SPAST: variants seen among roughly 807,000 people sequenced by gnomAD.
SPAST encodes the protein spastin.
A neutral mutation model predicts 76.6 loss-of-function variants in SPAST; 30 were observed. The observed-to-expected ratio is 0.39, with a 90% CI of 0.29 to 0.53. The LOEUF (loss-of-function observed/expected upper bound fraction) is 0.53, where lower values mean the gene tolerates loss of function less well. Among genes scored for constraint, SPAST ranks in the 20% least tolerant of loss-of-function variants. SPAST has a pLI of 0.68. For missense variants in SPAST, 717 were observed against 770.5 expected (o/e 0.93, Z 0.82); for synonymous variants, 305 against 281.0 (o/e 1.09, Z -0.86).
chr2:32,091,790 T>C (rs1047947932), intron 3 of SPAST, among the ~76,000 whole-genome samples: 21 of 151,524 alleles, frequency 1.4e-4, no homozygotes, highest in Admixed American at 4.6e-4. Flanking sequence ...GCCGAGATCA[T>C]GCCACTGCAC....
At chr2:32,150,058 G>A (rs1363645599) in intron 16 of SPAST, among the ~76,000 whole-genome samples, 2 of 147,268 alleles carry the variant, frequency 1.4e-5, no homozygotes, top group Admixed American at 1.4e-4. Context: ...AAAGCTTTTA[G>A]TTTTCTTTCT....
At chr2:32,136,322 A>ATG (rs1679535510) in intron 9 of SPAST, among the ~76,000 whole-genome samples, 2 of 152,278 alleles carry the variant, frequency 1.3e-5, no homozygotes, top group South Asian at 4.1e-4. Flanking sequence ...AGTCTTAGGA[A>ATG]TGCAGGGTGA....
intron 13 of SPAST, among the ~76,000 whole-genome samples, chr2:32,143,044 T>C (rs1679772921): frequency 6.6e-6 from 1 of 152,096 alleles, no homozygotes; most frequent in African/African-American, 2.4e-5. Flanking sequence ...GGTGGGAGGA[T>C]CGCTTGAGCC....
chr2:32,063,689 A>C lies in SPAST; in HGVS notation c.-143A>C. ...GGAGAAAGGGGCGGGGCCGGCGGGC[A>C]GCGTGCGGCAGTGCGGAGCTCCTGA... On this transcript the variant is annotated 5_prime_UTR_variant, in exon 1 of 17. Transcript: ENST00000315285. 1 of 1,073,962 alleles carries C rather than the reference A, an allele frequency of 9.3e-7. No homozygotes were observed. The highest frequency in any genetic ancestry group is 2.7e-5 in the East Asian group (1 of 36,544). 66.5% of individuals were successfully genotyped at this position (1,073,962 alleles called of 1,614,324 possible).
rs186567235 is a variant in SPAST at position 32,075,931 on chromosome 2, C to T, written c.416-11561C>T. 8.7e-3 allele frequency among the ~76,000 whole-genome samples: 1,031 copies of T among 118,810 alleles called. 18 individuals carry two copies. Among genetic ancestry groups the T allele is most frequent in the South Asian group, 0.051 (166 of 3,260 alleles). 77.9% of individuals were successfully genotyped at this position (118,810 alleles called of 152,430 possible). ...TTTTTTTTTTTTTGAGACAGAGTCT[C>T]GCTCTGTCGCCCAGGCTGAAGTGCA... On this transcript the variant is annotated intron_variant, in intron 1 of 16. Transcript: ENST00000315285.
chr2:32,107,192 A>C (rs1254468066), intron 4 of SPAST, among the ~76,000 whole-genome samples: 1 of 152,074 alleles, frequency 6.6e-6, no homozygotes, highest in Admixed American at 6.6e-5. Context: ...TACAAGTTGA[A>C]TATCCCTAAT....
rs560263969 is a variant in SPAST, at chr2:32,064,603, G to A, written c.415+357G>A. ...CTGTGAAGAGTGTGCAGCTTCCTCT[G>A]AACCAAGGTTTCCAAAAGGTTTTGA... On this transcript the variant is annotated intron_variant, in intron 1 of 16. Coordinates refer to ENST00000315285, the MANE Select transcript of SPAST (RefSeq NM_014946.4). Among the ~76,000 whole-genome samples the A allele has an allele frequency of 3.9e-5, 6 of 152,186 alleles. No individual in the cohort carries two copies. The South Asian group carries it at 1.0e-3, about 26-fold the overall frequency.
At chr2:32,085,590 A>G (rs1174103832) in intron 1 of SPAST, among the ~76,000 whole-genome samples, 1 of 152,172 alleles carries the variant, frequency 6.6e-6, no homozygotes, top group Non-Finnish European at 1.5e-5. Context: ...CGTAGTATAT[A>G]ATACTGATAA....
At chr2:32,142,085 T>C in intron 13 of SPAST, 139 bp downstream of exon 13, 1 of 703,970 alleles carries the variant, frequency 1.4e-6, no homozygotes, top group Non-Finnish European at 2.4e-6. Context: ...GTACATAAGC[T>C]TACTGTCAGA....
intron 1 of SPAST, among the ~76,000 whole-genome samples, chr2:32,070,352 C>A (rs577321247): frequency 6.6e-6 from 1 of 151,932 alleles, no homozygotes; most frequent in Non-Finnish European, 1.5e-5. Context: ...ACAGGTATGA[C>A]CCACTGCACC....
At chr2:32,064,275 C>A (rs1676419542) in intron 1 of SPAST, 29 bp downstream of exon 1, 1 of 596,276 alleles carries the variant, frequency 1.7e-6, no homozygotes, top group Non-Finnish European at 2.4e-6. Flanking sequence ...GAGGGGGCGG[C>A]GGCGCCGGGA....
intron 4 of SPAST, among the ~76,000 whole-genome samples, chr2:32,109,715 AAAT>A (rs1470917433): frequency 6.7e-6 from 1 of 149,222 alleles, no homozygotes; most frequent in Admixed American, 6.7e-5. Flanking sequence ...ATATAACTAA[AAAT>A]AACTATATGT....
chr2:32,106,500 G>A (rs1173512115), intron 4 of SPAST, among the ~76,000 whole-genome samples: 3 of 152,236 alleles, frequency 2.0e-5, no homozygotes, highest in Non-Finnish European at 4.4e-5. Context: ...CAGTTCCTCA[G>A]TTGGAAATGC....
intron 1 of SPAST, among the ~76,000 whole-genome samples, chr2:32,081,085 A>G (rs1558618178): frequency 6.6e-6 from 1 of 151,916 alleles, no homozygotes; most frequent in East Asian, 1.9e-4. Flanking sequence ...CAGCCTCCCA[A>G]ATAGCTGAGG....
Position 32,063,801 on chromosome 2 carries a change from G to C in SPAST, c.-31G>C. 6.4e-7 allele frequency: 1 copy of C among 1,551,722 alleles called. No individual in the cohort carries two copies. Among genetic ancestry groups the C allele is most frequent in the South Asian group, 1.2e-5 (1 of 85,848 alleles). Reference sequence around the variant, plus strand: ...GTTCCCGTCGGTCTGCGGGAGGCGGGTTATGGCGGCGGCGGCAGTGAGAGC... The same window carrying C: ...GTTCCCGTCGGTCTGCGGGAGGCGGCTTATGGCGGCGGCGGCAGTGAGAGC... On this transcript the variant is annotated 5_prime_UTR_variant, in exon 1 of 17. Transcript: ENST00000315285.
chr2:32,083,774 A>ATTTTTTT (rs1333329179), intron 1 of SPAST, among the ~76,000 whole-genome samples: 8 of 54,396 alleles, frequency 1.5e-4, no homozygotes, highest in Non-Finnish European at 2.4e-4. Context: ...ATATATATAT[A>ATTTTTTT]TATTTTTTTT....
At chr2:32,101,903 T>C (rs1000310951) in intron 4 of SPAST, among the ~76,000 whole-genome samples, 3 of 152,194 alleles carry the variant, frequency 2.0e-5, no homozygotes, top group African/African-American at 7.2e-5. Context: ...TGAAGTCAGG[T>C]AGCACGATGC....
chr2:32,105,146 C>T (rs181727811), intron 4 of SPAST, among the ~76,000 whole-genome samples: 2 of 152,242 alleles, frequency 1.3e-5, no homozygotes, highest in African/African-American at 2.4e-5. Flanking sequence ...AGGTTCTGTT[C>T]GTTTCCTTTT....
rs1376796601 is a variant in SPAST, at chr2:32,143,916, A to C, written c.1616+501A>C. 2.0e-5 allele frequency among the ~76,000 whole-genome samples: 3 copies of C among 152,308 alleles called. No homozygotes were observed. In the East Asian group the frequency reaches 5.8e-4, roughly 29 times the overall value. The stretch of plus-strand genomic sequence containing the variant: ...ATTGCACACTAACACAGATATTTTT[A>C]TATAAACTTGTTCTTGGCATATGCT... On this transcript the variant is annotated intron_variant, in intron 14 of 16. Coordinates refer to ENST00000315285, the MANE Select transcript of SPAST (RefSeq NM_014946.4).
Sources: gnomAD v4.1 joint callset for allele counts (sites outside exome capture counted in the v4.1 genomes callset) on GRCh38, gnomAD v4.1.1 for gene constraint, MANE v1.5 for transcripts, NCBI Gene and HGNC (gene_info 2026-07-23, HGNC 2026-07-21) for gene names.